The following PTPRG variants were observed in gnomAD, a reference collection of about 807,000 sequenced individuals.
PTPRG encodes the protein receptor-type tyrosine-protein phosphatase gamma.
PTPRG carries 102 observed loss-of-function variants against 165.3 expected under a neutral mutation model. The ratio of observed to expected loss-of-function variants is 0.62; its 90% confidence interval spans 0.53 to 0.73. The LOEUF (loss-of-function observed/expected upper bound fraction) is 0.73, where lower values mean the gene tolerates loss of function less well. Among genes scored for constraint, PTPRG ranks in the 30% least tolerant of loss-of-function variants. The pLI is 0.00. For synonymous variants in PTPRG, 675 were observed against 669.5 expected (o/e 1.01, Z -0.13); for missense variants, 1,866 against 1,861.4 (o/e 1.00, Z -0.05).
At chr3:61,947,966 C>T (rs1359577292) in intron 2 of PTPRG, among the ~76,000 whole-genome samples, 1 of 152,012 alleles carries the variant, frequency 6.6e-6, no homozygotes, top group East Asian at 1.9e-4. Flanking sequence ...CTGAGTGGGT[C>T]CTCAGAATGA....
chr3:61,772,735 T>C (rs2034246671), intron 2 of PTPRG, among the ~76,000 whole-genome samples: 1 of 152,248 alleles, frequency 6.6e-6, no homozygotes, highest in Non-Finnish European at 1.5e-5. Flanking sequence ...TCCTTCATGA[T>C]GGACATTCAC....
At chr3:61,768,903 G>C (rs1342826391) in intron 2 of PTPRG, among the ~76,000 whole-genome samples, 3 of 152,090 alleles carry the variant, frequency 2.0e-5, no homozygotes, top group Admixed American at 6.6e-5. Context: ...GTGAGGTGTG[G>C]TCACAGGGAA....
At chr3:62,166,025 A>G (rs1029843566) in intron 7 of PTPRG, among the ~76,000 whole-genome samples, 22 of 152,078 alleles carry the variant, frequency 1.4e-4, no homozygotes, top group Middle Eastern at 6.8e-3. Context: ...CAGTCACTCA[A>G]TGCACAGAGA....
rs544765098 is a variant in PTPRG, at chr3:61,981,441, A to C, written c.191-8184A>C. ...AGGATGAGATTCCACTAATTGCCAT[A>C]TATTAGTCAAGTGCTGTTTCTGAAG... On this transcript the variant is annotated intron_variant, in intron 2 of 29. Transcript: ENST00000474889. Among the ~76,000 whole-genome samples the C allele has an allele frequency of 5.9e-5, 9 of 152,334 alleles. No homozygotes were observed. The East Asian group carries it at 1.7e-3, about 29-fold the overall frequency.
intron 2 of PTPRG, among the ~76,000 whole-genome samples, chr3:61,927,150 A>G (rs927019948): frequency 3.3e-5 from 5 of 152,184 alleles, no homozygotes; most frequent in African/African-American, 9.7e-5. Context: ...TGTTCTGTTC[A>G]TTTGATCTTT....
intron 2 of PTPRG, among the ~76,000 whole-genome samples, chr3:61,984,439 TC>T (rs753599502): frequency 2.4e-4 from 36 of 152,310 alleles, no homozygotes; most frequent in Non-Finnish European, 5.0e-4. Flanking sequence ...ATGACAGTCA[TC>T]CCAGTATTAC....
chr3:61,813,905 T>TTTTG (rs1553673997), intron 2 of PTPRG, among the ~76,000 whole-genome samples: 1 of 147,278 alleles, frequency 6.8e-6, no homozygotes, highest in African/African-American at 2.5e-5. Context: ...TTTTTTTTTT[T>TTTTG]GGGGGGGGTT....
At chr3:61,945,161 G>A (rs2039725963) in intron 2 of PTPRG, among the ~76,000 whole-genome samples, 1 of 152,030 alleles carries the variant, frequency 6.6e-6, no homozygotes, top group South Asian at 2.1e-4. Context: ...ATATAGTCTT[G>A]GCCAACAAAT....
intron 2 of PTPRG, among the ~76,000 whole-genome samples, chr3:61,753,148 G>T (rs533681679): frequency 1.3e-5 from 2 of 152,192 alleles, no homozygotes; most frequent in South Asian, 2.1e-4. Flanking sequence ...AAAAAAGGGG[G>T]ACATAATATC....
chr3:62,249,125 A>C (rs1405521455), intron 15 of PTPRG, among the ~76,000 whole-genome samples: 10 of 152,182 alleles, frequency 6.6e-5, no homozygotes, highest in Admixed American at 2.0e-4. Context: ...CAACCTCCAC[A>C]ACACTCCATG....
At chr3:61,800,715 C>G (rs1272024682) in intron 2 of PTPRG, among the ~76,000 whole-genome samples, 1 of 151,424 alleles carries the variant, frequency 6.6e-6, no homozygotes, top group South Asian at 2.1e-4. Context: ...ATGATCTCGG[C>G]TTACTGCAAC....
intron 1 of PTPRG, among the ~76,000 whole-genome samples, chr3:61,626,740 G>A (rs1470751446): frequency 2.0e-5 from 3 of 152,182 alleles, no homozygotes; most frequent in South Asian, 2.1e-4. Flanking sequence ...AGGCTGGTGG[G>A]GGAGAAGGCT....
chr3:61,874,313 C>G (rs1180517039), intron 2 of PTPRG, among the ~76,000 whole-genome samples: 2 of 152,168 alleles, frequency 1.3e-5, no homozygotes, highest in Non-Finnish European at 2.9e-5. Flanking sequence ...TCATGGTTGA[C>G]CACGTCTTAC....
chr3:62,194,245 A>G (rs567877891), intron 9 of PTPRG, among the ~76,000 whole-genome samples: 2 of 152,280 alleles, frequency 1.3e-5, no homozygotes, highest in African/African-American at 4.8e-5. Flanking sequence ...CAACACCCCT[A>G]TGTTAGCCAA....
chr3:61,644,029 C>A (rs565825324), intron 1 of PTPRG, among the ~76,000 whole-genome samples: 2 of 152,194 alleles, frequency 1.3e-5, no homozygotes, highest in East Asian at 3.9e-4. Context: ...CAGAGACGAT[C>A]ACAATCACAT....
In PTPRG at chr3:62,293,274, A is replaced by G. The variant is rs1405181385; in HGVS notation, c.4305A>G (p.Ser1435=). The G allele has an allele frequency of 1.2e-6, 2 of 1,607,616 alleles. No homozygotes were observed. The change falls in exon 30 of 30, where the codon TCA becomes TCG. Residue 1435 remains serine (S), a synonymous_variant. Transcript: ENST00000474889. The stretch of plus-strand genomic sequence containing the variant: ...GTGCTGTTCTTATTGCAGATGAATC[A>G]GACCCTGCTGAGAGCATGGAGTCCC... ...KNGAVLIADE[S]DPAESMESLV
chr3:62,108,845 G>T (rs567044332), intron 5 of PTPRG, among the ~76,000 whole-genome samples: 2 of 152,224 alleles, frequency 1.3e-5, no homozygotes, highest in African/African-American at 4.8e-5. Context: ...AATGTCTTTT[G>T]AGAAGTGTCT....
At chr3:61,957,769 G>C (rs1483034336) in intron 2 of PTPRG, among the ~76,000 whole-genome samples, 2 of 152,164 alleles carry the variant, frequency 1.3e-5, no homozygotes, top group Non-Finnish European at 2.9e-5. Context: ...GTTTTCATGC[G>C]ATTCCATTTT....
At chr3:61,655,227 A>G (rs1041490810) in intron 1 of PTPRG, among the ~76,000 whole-genome samples, 1 of 152,168 alleles carries the variant, frequency 6.6e-6, no homozygotes, top group Non-Finnish European at 1.5e-5. Context: ...CTGCCTCTCA[A>G]TGACAGGAAA....
Sources: gnomAD v4.1 joint callset for allele counts (sites outside exome capture counted in the v4.1 genomes callset) on GRCh38, gnomAD v4.1.1 for gene constraint, MANE v1.5 for transcripts, NCBI Gene and HGNC (gene_info 2026-07-23, HGNC 2026-07-21) for gene names.